EPC1: variants seen among roughly 807,000 people sequenced by gnomAD.
EPC1 encodes enhancer of polycomb homolog 1.
In EPC1, 12 loss-of-function variants were observed where a neutral mutation model predicts 98.4. The ratio of observed to expected loss-of-function variants is 0.12; its 90% CI spans 0.08 to 0.20. EPC1 has a LOEUF of 0.20. Ranked by LOEUF, EPC1 falls within the 10% of genes least tolerant of loss-of-function variation. The probability of loss-of-function intolerance (pLI) is 1.00; values close to 1 mark genes in which losing one functional copy is unlikely to be tolerated. For synonymous variants in EPC1, 357 were observed against 363.9 expected (o/e 0.98, Z 0.21); for missense variants, 729 against 990.5 (o/e 0.74, Z 3.54).
chr10:32,311,170 G>T (rs185156915), intron 1 of EPC1, among the ~76,000 whole-genome samples: 1 of 151,952 alleles, frequency 6.6e-6, no homozygotes, highest in East Asian at 2.0e-4. Flanking sequence ...AAAATTAGCC[G>T]GGTGTGGTGG....
intron 1 of EPC1, among the ~76,000 whole-genome samples, chr10:32,319,571 G>GA (rs1213110385): frequency 2.6e-5 from 4 of 152,030 alleles, no homozygotes; most frequent in Non-Finnish European, 1.5e-5. Context: ...TTCAATATGA[G>GA]AAAACATCAG....
In EPC1 at chr10:32,341,690, A is replaced by G. The variant is rs74809699; in HGVS notation, c.153+5073T>C. On this transcript the variant is annotated intron_variant, in intron 1 of 13. Transcript: ENST00000319778. The stretch of plus-strand genomic sequence containing the variant: ...TAACATTTCAGGTGCATAGGCATGT[A>G]AAGTGTTCAAAAGGTCCCTTCTGTA... 4.7e-3 allele frequency among the ~76,000 whole-genome samples: 715 copies of G among 152,356 alleles called. 7 individuals carry two copies. The highest frequency in any genetic ancestry group is 0.017 in the Middle Eastern group (5 of 294).
chr10:32,310,291 C>T (rs1299446527), intron 1 of EPC1, among the ~76,000 whole-genome samples: 1 of 152,106 alleles, frequency 6.6e-6, no homozygotes, highest in Non-Finnish European at 1.5e-5. Context: ...GACTTTGGGA[C>T]TTGGGATAAA....
intron 1 of EPC1, among the ~76,000 whole-genome samples, chr10:32,366,833 A>G (rs984005522): frequency 3.9e-5 from 6 of 152,174 alleles, no homozygotes; most frequent in Admixed American, 2.6e-4. Context: ...GCAGTGTGCT[A>G]CCATCTTCCT....
intron 1 of EPC1, among the ~76,000 whole-genome samples, chr10:32,338,937 C>CAA (rs139491789): frequency 3.0e-4 from 27 of 88,584 alleles, no homozygotes; most frequent in Non-Finnish European, 6.7e-4. Context: ...GACCTTGTCT[C>CAA]AAAAAAAATA....
At chr10:32,335,868 C>A (rs73247737) in intron 1 of EPC1, among the ~76,000 whole-genome samples, 1 of 152,002 alleles carries the variant, frequency 6.6e-6, no homozygotes, top group Non-Finnish European at 1.5e-5. Flanking sequence ...TAAACTCAAG[C>A]GTGTCCCTCT....
chr10:32,309,360 T>C (rs1836063369), intron 1 of EPC1, among the ~76,000 whole-genome samples: 1 of 152,200 alleles, frequency 6.6e-6, no homozygotes, highest in African/African-American at 2.4e-5. Flanking sequence ...TATTACACAT[T>C]GTATGCCCCT....
At chr10:32,350,666 A>C (rs370389960), upstream of EPC1, among the ~76,000 whole-genome samples, 4 of 152,278 alleles carry the variant, frequency 2.6e-5, no homozygotes, top group African/African-American at 9.6e-5. Context: ...AAGTAAAGAG[A>C]CATGAGTTTT....
intron 10 of EPC1, among the ~76,000 whole-genome samples, chr10:32,280,853 T>A (rs1266285881): frequency 6.6e-6 from 1 of 152,204 alleles, no homozygotes. Flanking sequence ...ACAAAATAGT[T>A]AACTTCCAAA....
chr10:32,338,493 G>A (rs1381777052), intron 1 of EPC1, among the ~76,000 whole-genome samples: 1 of 152,116 alleles, frequency 6.6e-6, no homozygotes, highest in East Asian at 1.9e-4. Flanking sequence ...TTTCAACACA[G>A]TCAAAACTTC....
intron 1 of EPC1, among the ~76,000 whole-genome samples, chr10:32,322,546 T>C (rs1446336131): frequency 1.3e-5 from 2 of 152,208 alleles, no homozygotes; most frequent in African/African-American, 2.4e-5. Flanking sequence ...CTATCAAAAA[T>C]AACAGATTTA....
intron 2 of EPC1, among the ~76,000 whole-genome samples, chr10:32,295,965 C>T (rs1028096861): frequency 2.6e-5 from 4 of 151,756 alleles, no homozygotes; most frequent in African/African-American, 4.8e-5. Flanking sequence ...TCTCTGTCAC[C>T]CAGGCTGGAG....
chr10:32,317,617 G>T (rs985652967), intron 1 of EPC1, among the ~76,000 whole-genome samples: 1 of 152,114 alleles, frequency 6.6e-6, no homozygotes, highest in Non-Finnish European at 1.5e-5. Flanking sequence ...ACTCCAGCCT[G>T]GGTGACAGAG....
chr10:32,289,768 C>T (rs1040007842), intron 6 of EPC1, among the ~76,000 whole-genome samples: 1 of 151,990 alleles, frequency 6.6e-6, no homozygotes, highest in South Asian at 2.1e-4. Context: ...GGACTACAGG[C>T]GCCCACCAGC....
At chr10:32,273,335 C>A in intron 10 of EPC1, 54 bp from the exon 11 acceptor site, 1 of 1,572,722 alleles carries the variant, frequency 6.4e-7, no homozygotes, top group Non-Finnish European at 8.6e-7. Context: ...TCATGTATGT[C>A]TTACAGTACT....
chr10:32,301,109 C>T (rs751613285), intron 2 of EPC1, among the ~76,000 whole-genome samples: 8 of 152,068 alleles, frequency 5.3e-5, no homozygotes, highest in South Asian at 2.1e-4. Flanking sequence ...TACCTACCTA[C>T]GTACCTACAT....
At chr10:32,297,904 TCTC>T (rs1303160830) in intron 2 of EPC1, among the ~76,000 whole-genome samples, 3 of 151,784 alleles carry the variant, frequency 2.0e-5, no homozygotes, top group African/African-American at 4.8e-5. Context: ...TTAACACCAT[TCTC>T]CTGCCTCGGC....
chr10:32,321,314 C>T (rs1448880185), intron 1 of EPC1, among the ~76,000 whole-genome samples: 1 of 151,940 alleles, frequency 6.6e-6, no homozygotes, highest in Non-Finnish European at 1.5e-5. Flanking sequence ...CTATCTGATT[C>T]TTTACGGGAA....
chr10:32,357,087 T>C (rs1484185049), intron 1 of EPC1, among the ~76,000 whole-genome samples: 1 of 152,226 alleles, frequency 6.6e-6, no homozygotes, highest in Non-Finnish European at 1.5e-5. Flanking sequence ...GAGACCACTT[T>C]GAAGTCAAAA....
Sources: allele counts gnomAD v4.1 joint callset (sites outside exome capture counted in the v4.1 genomes callset), GRCh38; gene constraint gnomAD v4.1.1; transcripts MANE v1.5; gene names NCBI Gene and HGNC (gene_info 2026-07-23, HGNC 2026-07-21).